The following BTBD2 variants were observed in gnomAD, a reference collection of about 807,000 sequenced individuals.
The protein encoded by BTBD2 is BTB domain containing 2, also known as BTB/POZ domain-containing protein 2.
BTBD2 carries 15 observed loss-of-function variants against 44.0 expected under a neutral mutation model. The ratio of observed to expected loss-of-function variants is 0.34; its 90% CI spans 0.23 to 0.53. The LOEUF (loss-of-function observed/expected upper bound fraction) is 0.53, where lower values mean the gene tolerates loss of function less well. Ranked by LOEUF, BTBD2 falls within the 20% of genes least tolerant of loss-of-function variation. BTBD2 has a pLI of 0.95. For missense variants in BTBD2, 657 were observed against 746.4 expected (o/e 0.88, Z 1.39); for synonymous variants, 443 against 335.9 (o/e 1.32, Z -3.49).
rs560399687 is a variant in BTBD2, at chr19:1,998,527, T to C, written c.408-1064A>G. Among the ~76,000 whole-genome samples the C allele has an allele frequency of 4.6e-5, 7 of 152,274 alleles. No homozygotes were observed. The East Asian group carries it at 1.3e-3, about 29-fold the overall frequency. ...CCCCGTGTGAAGCTCAGGCTGCCTA[T>C]GGGGCCCACTCAGTGGCTCAGATCT... On this transcript the variant is annotated intron_variant, in intron 1 of 8. Transcript: ENST00000255608.
At chr19:1,989,962 C>T in intron 5 of BTBD2, 42 bp downstream of exon 5, 1 of 1,606,506 alleles carries the variant, frequency 6.2e-7, no homozygotes, top group Non-Finnish European at 8.5e-7. Flanking sequence ...ACCTGTGTGC[C>T]ACTCCCCTCC....
intron 1 of BTBD2, among the ~76,000 whole-genome samples, chr19:2,012,225 T>C (rs1171059166): frequency 1.3e-5 from 2 of 150,406 alleles, no homozygotes; most frequent in Admixed American, 1.3e-4. Context: ...CAATCTCGGT[T>C]CCCTGCAACC....
At chr19:1,999,232 A>G (rs1337312426) in intron 1 of BTBD2, among the ~76,000 whole-genome samples, 3 of 152,130 alleles carry the variant, frequency 2.0e-5, no homozygotes, top group Non-Finnish European at 4.4e-5. Flanking sequence ...TGGCTTCCAC[A>G]TGGGCCCCGA....
intron 1 of BTBD2, chr19:2,003,561 G>C (rs955519448): frequency 2.0e-5 from 3 of 152,010 alleles, no homozygotes; most frequent in Admixed American, 6.6e-5. Flanking sequence ...ATGAGGTTGG[G>C]AGTTCAAGAC....
Position 1,986,443 on chromosome 19 carries a change from T to C in BTBD2, c.*45A>G. On this transcript the variant is annotated 3_prime_UTR_variant, in exon 9 of 9. Transcript: ENST00000255608. ...CCAGCAGCAGATGATGGCCTGGGGCTGCGGCTATCCCCACGGAGGGAGGGC... is the reference window on the plus strand; with the variant it reads ...CCAGCAGCAGATGATGGCCTGGGGCCGCGGCTATCCCCACGGAGGGAGGGC... 1.2e-6 allele frequency: 2 copies of C among 1,604,198 alleles called. No individual in the cohort carries two copies. The highest frequency in any genetic ancestry group is 1.7e-6 in the Non-Finnish European group (2 of 1,172,922).
At chr19:2,002,857 ACAGAGTGAGACTCCGT>A (rs2016347170) in intron 1 of BTBD2, 1 of 143,090 alleles carries the variant, frequency 7.0e-6, no homozygotes, top group Admixed American at 7.2e-5. Flanking sequence ...AGCCTGGGCG[ACAGAGTGAGACTCCGT>A]CTCAAAAAAA....
chr19:1,993,231 G>T (rs1378446223), intron 2 of BTBD2, 55 bp from the exon 3 acceptor site: 1 of 1,554,684 alleles, frequency 6.4e-7, no homozygotes, highest in Non-Finnish European at 8.7e-7. Context: ...CGCCCCCAGG[G>T]GAGAGCGTCA....
intron 1 of BTBD2, among the ~76,000 whole-genome samples, chr19:2,007,295 A>C (rs922257050): frequency 6.6e-6 from 1 of 152,184 alleles, no homozygotes; most frequent in African/African-American, 2.4e-5. Context: ...CTGGCCAATA[A>C]AGTTTTATTA....
chr19:2,010,100 G>T (rs57968534), intron 1 of BTBD2, among the ~76,000 whole-genome samples: 2 of 152,134 alleles, frequency 1.3e-5, no homozygotes, highest in African/African-American at 2.4e-5. Flanking sequence ...TGCAGTGAGC[G>T]GAGATCGCGC....
In BTBD2 at chr19:1,987,238, C is replaced by T; in HGVS notation, c.1197G>A (p.Lys399=). 1 of 1,613,814 alleles carries T rather than the reference C, an allele frequency of 6.2e-7. No homozygotes were observed. Among genetic ancestry groups the T allele is most frequent in the South Asian group, 1.1e-5 (1 of 91,090 alleles). The part of the protein sequence containing the change: ...TSDRIRFSVN[K]RIFVVGFGLY... ...GCCCAAATCCCACCACGAAGATGCG[C>T]TTGTTGACTGAGAACCTGCCGTGGC... Residue 399 remains lysine, a synonymous_variant, in exon 7 of 9, where the codon AAG becomes AAA. Coordinates refer to ENST00000255608, the MANE Select transcript of BTBD2 (RefSeq NM_017797.4).
At chr19:1,999,631 A>C (rs1599355069) in intron 1 of BTBD2, among the ~76,000 whole-genome samples, 1 of 150,944 alleles carries the variant, frequency 6.6e-6, no homozygotes, top group Non-Finnish European at 1.5e-5. Flanking sequence ...GCGCCACTGC[A>C]CTCCAGCCTG....
chr19:2,000,013 G>T (rs373237375), intron 1 of BTBD2, among the ~76,000 whole-genome samples: 1 of 152,078 alleles, frequency 6.6e-6, no homozygotes. Context: ...CAGAGTGGGC[G>T]GCCGCATGAA....
chr19:1,996,275 G>A (rs576627839), intron 2 of BTBD2, among the ~76,000 whole-genome samples: 1 of 152,148 alleles, frequency 6.6e-6, no homozygotes, highest in South Asian at 2.1e-4. Flanking sequence ...AGATCGTTGT[G>A]GCTATTCAGG....
At chr19:2,010,969 G>A (rs1271907970) in intron 1 of BTBD2, among the ~76,000 whole-genome samples, 1 of 152,068 alleles carries the variant, frequency 6.6e-6, no homozygotes, top group African/African-American at 2.4e-5. Flanking sequence ...TCTGCTGTGT[G>A]GCCTGTGGCT....
At chr19:1,989,087 T>C (rs1242615056) in intron 5 of BTBD2, among the ~76,000 whole-genome samples, 2 of 151,998 alleles carry the variant, frequency 1.3e-5, no homozygotes. Context: ...TGATCAACAG[T>C]TGTATTTTTA....
At chr19:1,999,218 G>A (rs2016292862) in intron 1 of BTBD2, among the ~76,000 whole-genome samples, 1 of 152,180 alleles carries the variant, frequency 6.6e-6, no homozygotes, top group Non-Finnish European at 1.5e-5. Flanking sequence ...AGAAACCAAC[G>A]CAGTGGCTTC....
chr19:1,990,567 G>T, intron 4 of BTBD2, 150 bp downstream of exon 4: 2 of 755,146 alleles, frequency 2.6e-6, no homozygotes, highest in Non-Finnish European at 4.2e-6. Flanking sequence ...GTGGGGCTGT[G>T]CTAGGACCCA....
intron 7 of BTBD2, 82 bp from the exon 8 acceptor site, chr19:1,987,058 G>T: frequency 6.3e-7 from 1 of 1,591,140 alleles, no homozygotes; most frequent in Non-Finnish European, 8.6e-7. Context: ...CCTGCCCAGG[G>T]TGGGGGCAGC....
In BTBD2 at chr19:1,990,184, G is replaced by A. The variant is rs1353035569; in HGVS notation, c.808C>T (p.Leu270=). The A allele has an allele frequency of 1.2e-6, 2 of 1,603,428 alleles. No individual in the cohort carries two copies. Among genetic ancestry groups the A allele is most frequent in the Non-Finnish European group, 1.7e-6 (2 of 1,175,906 alleles). The part of the protein sequence containing the change: ...DIDLDTLVAV[L]ERDTLGIREV... ...CGGATGCCCAGTGTGTCGCGCTCCAGGACAGCCACCAGCGTGTCTGTGGGG... is the reference window on the plus strand; with the variant it reads ...CGGATGCCCAGTGTGTCGCGCTCCAAGACAGCCACCAGCGTGTCTGTGGGG... The change falls in exon 5 of 9, where the codon CTG becomes TTG. Residue 270 remains leucine, a synonymous_variant. Transcript: ENST00000255608.
Sources: allele counts gnomAD v4.1 joint callset (sites outside exome capture counted in the v4.1 genomes callset), GRCh38; gene constraint gnomAD v4.1.1; transcripts MANE v1.5; gene names NCBI Gene and HGNC (gene_info 2026-07-23, HGNC 2026-07-21).